The following PCDHGB4 variants were observed in gnomAD, a reference collection of about 807,000 sequenced individuals.
The protein encoded by PCDHGB4 is protocadherin gamma subfamily B, 4, also known as protocadherin gamma-B4.
PCDHGB4 carries 38 observed loss-of-function variants against 60.5 expected under a neutral mutation model. That is an observed-to-expected ratio of 0.63 (90% CI 0.48 to 0.82). The LOEUF is 0.82. PCDHGB4 is among the 40% of genes least tolerant of loss of function. PCDHGB4 has a pLI of 0.00. For synonymous variants in PCDHGB4, 456 were observed against 509.7 expected (o/e 0.89, Z 1.42); for missense variants, 1,109 against 1,209.6 (o/e 0.92, Z 1.23).
At position 141,510,965 on chromosome 5, in the gene PCDHGB4, C is replaced by T. The variant is rs1473736492; in HGVS notation, c.2564C>T (p.Ser855Phe). The T allele has an allele frequency of 3.1e-6, 5 of 1,614,026 alleles. No homozygotes were observed. The highest frequency in any genetic ancestry group is 4.2e-6 in the Non-Finnish European group (5 of 1,180,020). The change falls in exon 4 of 4, where the codon TCC becomes TTC. Residue 855 changes from serine (S) to phenylalanine (F), a missense_variant. Around this residue, in one of 2 missense-constraint regions of PCDHGB4, gnomAD observed 1,068 missense variants for 1,089.9 expected, o/e 0.98. Transcript: ENST00000519479. ...TCTGCAGAAGCTGCTGATGGGAGCT[C>T]CACCCTGGGAGGGGGTGCCGGCACC... ...ASASEAADGS[S>F]TLGGGAGTMG...
In PCDHGB4 at chr5:141,491,144, TGGA is replaced by T. The variant is rs757881044; in HGVS notation, c.2398-3659_2398-3657del. ...GAGGTGCGCACAGCCCGGGCCTTAC[TGGA>T]GGATGACTCTGACACCCAGCAGGTG... On this transcript the variant is annotated intron_variant, in intron 1 of 3. Coordinates refer to ENST00000519479, the MANE Select transcript of PCDHGB4 (RefSeq NM_003736.4). This position sits in a 1 kb window ranked among gnomAD's most constrained non-coding sequence, Gnocchi z 6.9. The T allele has an allele frequency of 1.2e-6, 2 of 1,614,158 alleles. No individual in the cohort carries two copies. The highest frequency in any genetic ancestry group is 2.2e-5 in the South Asian group (2 of 91,086).
At chr5:141,416,497 T>G (rs1426816820) in intron 1 of PCDHGB4, 3 of 152,116 alleles carry the variant, frequency 2.0e-5, no homozygotes, top group Non-Finnish European at 4.4e-5. Context: ...GAGCAAGAGA[T>G]ATATGACAAA....
chr5:141,479,710 T>C (rs901198074), intron 1 of PCDHGB4: 1 of 152,264 alleles, frequency 6.6e-6, no homozygotes, highest in African/African-American at 2.4e-5. Flanking sequence ...GTCCCTGTCC[T>C]TCCAGCCTTA....
At chr5:141,414,285 A>G (rs766515802) in intron 1 of PCDHGB4, 1 of 1,613,634 alleles carries the variant, frequency 6.2e-7, no homozygotes, top group East Asian at 2.2e-5. Context: ...GAACAGTCGT[A>G]GCCCTTTTAA....
intron 1 of PCDHGB4, chr5:141,415,661 T>C: frequency 6.3e-7 from 1 of 1,582,308 alleles, no homozygotes; most frequent in East Asian, 2.3e-5. Flanking sequence ...AAGATTGGTT[T>C]TTACTTTGAA....
At chr5:141,460,872 T>C (rs2098999714) in intron 1 of PCDHGB4, among the ~76,000 whole-genome samples, 1 of 151,064 alleles carries the variant, frequency 6.6e-6, no homozygotes, top group South Asian at 2.1e-4. Flanking sequence ...GCAAAGGACA[T>C]TATTTCATGC....
intron 1 of PCDHGB4, chr5:141,417,592 TG>T: frequency 2.1e-6 from 1 of 485,078 alleles, no homozygotes; most frequent in Non-Finnish European, 3.5e-6. Context: ...ACAGAGCCTC[TG>T]GGCGCCGCCG....
Position 141,449,720 on chromosome 5 carries a change from T to C in PCDHGB4, c.2398-45087T>C, listed in dbSNP as rs373093679. 2.4e-4 allele frequency among the ~76,000 whole-genome samples: 36 copies of C among 151,876 alleles called. No individual in the cohort carries two copies. In the East Asian group the frequency reaches 3.1e-3, roughly 13 times the overall value. ...ACACAAACACATTATTTTTATATGA[T>C]ATGATTTTTTTATGACATGATTATT... On this transcript the variant is annotated intron_variant, in intron 1 of 3. Coordinates refer to ENST00000519479, the MANE Select transcript of PCDHGB4 (RefSeq NM_003736.4).
rs2154591169 is a variant in PCDHGB4 at position 141,493,606 on chromosome 5, T to A, written c.2398-1201T>A. Among the ~76,000 whole-genome samples, 1 of 152,278 alleles carries A rather than the reference T, an allele frequency of 6.6e-6. No homozygotes were observed. Among genetic ancestry groups the A allele is most frequent in the Non-Finnish European group, 1.5e-5 (1 of 68,022 alleles). ...ACAATCACTGCATTTCCATGTAGAT[T>A]CTGCTGTGTCTAAGAATACAGTGGC... On this transcript the variant is annotated intron_variant, in intron 1 of 3. Transcript: ENST00000519479. This position sits in a 1 kb window ranked among gnomAD's most constrained non-coding sequence, Gnocchi z 4.3.
rs1032445242 is a variant in PCDHGB4 at position 141,487,571 on chromosome 5, G to C, written c.2398-7236G>C. The C allele has an allele frequency of 6.2e-7, 1 of 1,614,060 alleles. No homozygotes were observed. The highest frequency in any genetic ancestry group is 8.5e-7 in the Non-Finnish European group (1 of 1,180,046). ...CAGTGCACCTATGGCAGGGGAGCCTGTTCGCCCAAGCTGCCCACCCTCTGA... is the reference window on the plus strand; with the variant it reads ...CAGTGCACCTATGGCAGGGGAGCCTCTTCGCCCAAGCTGCCCACCCTCTGA... On this transcript the variant is annotated intron_variant, in intron 1 of 3. Transcript: ENST00000519479. This position sits in a 1 kb window ranked among gnomAD's most constrained non-coding sequence, Gnocchi z 5.0.
chr5:141,410,023 C>T (rs1172248089), intron 1 of PCDHGB4: 1 of 1,613,310 alleles, frequency 6.2e-7, no homozygotes, highest in South Asian at 1.1e-5. Flanking sequence ...TGTCCTACCA[C>T]GTGCTGCAGG....
At chr5:141,413,023 A>T in intron 1 of PCDHGB4, 1 of 729,646 alleles carries the variant, frequency 1.4e-6, no homozygotes, top group Non-Finnish European at 2.1e-6. Context: ...CACAAGCCCC[A>T]CAAACCGGCT....
intron 1 of PCDHGB4, chr5:141,423,311 T>G: frequency 2.5e-6 from 4 of 1,614,134 alleles, no homozygotes; most frequent in Non-Finnish European, 3.4e-6. Flanking sequence ...CTGTACTTGG[T>G]GGTGGCGGTG....
chr5:141,500,901 G>T (rs984072329), intron 2 of PCDHGB4, among the ~76,000 whole-genome samples: 1 of 144,582 alleles, frequency 6.9e-6, no homozygotes, highest in Non-Finnish European at 1.5e-5. Context: ...AGACAGTCTC[G>T]CTCTGTCTCC....
chr5:141,407,345 T>C (rs1025383467), intron 1 of PCDHGB4, among the ~76,000 whole-genome samples: 2 of 152,188 alleles, frequency 1.3e-5, no homozygotes, highest in African/African-American at 4.8e-5. Flanking sequence ...TGTATGTTAA[T>C]TTGGGGAAAA....
At chr5:141,480,653 T>C (rs1214823403) in intron 1 of PCDHGB4, among the ~76,000 whole-genome samples, 2 of 152,190 alleles carry the variant, frequency 1.3e-5, no homozygotes, top group Admixed American at 1.3e-4. Context: ...TGGTTGCACA[T>C]TAAAATCACC....
At chr5:141,404,950 C>T (rs2094588760) in intron 1 of PCDHGB4, 2 of 1,613,968 alleles carry the variant, frequency 1.2e-6, no homozygotes, top group East Asian at 4.5e-5. Flanking sequence ...CCATAGCTGA[C>T]AGCATCCCAG....
chr5:141,408,339 T>C lies in PCDHGB4; in HGVS notation c.2397+18058T>C, dbSNP rs768142301. 1.7e-5 allele frequency: 27 copies of C among 1,613,672 alleles called. No homozygotes were observed. In the Middle Eastern group the frequency reaches 9.9e-4, roughly 59 times the overall value. ...CCGGAGGAGCTGGCCAAGGGCTCGGTGGTGGGGAACCTCGCTAAGGATCTA... is the reference window on the plus strand; with the variant it reads ...CCGGAGGAGCTGGCCAAGGGCTCGGCGGTGGGGAACCTCGCTAAGGATCTA... On this transcript the variant is annotated intron_variant, in intron 1 of 3. Coordinates refer to ENST00000519479, the MANE Select transcript of PCDHGB4 (RefSeq NM_003736.4).
chr5:141,460,981 GTGTATATATA>G (rs1332002052), intron 1 of PCDHGB4, among the ~76,000 whole-genome samples: 6 of 121,884 alleles, frequency 4.9e-5, no homozygotes, highest in Non-Finnish European at 1.0e-4. Flanking sequence ...GTGTGTGTGT[GTGTATATATA>G]TATATGTGTA....
Sources: allele counts gnomAD v4.1 joint callset (sites outside exome capture counted in the v4.1 genomes callset), GRCh38; gene constraint gnomAD v4.1.1; regional missense constraint gnomAD v4.1.1; non-coding constraint Gnocchi (gnomAD v3.1); transcripts MANE v1.5; gene names NCBI Gene and HGNC (gene_info 2026-07-23, HGNC 2026-07-21).